The following SMCHD1 variants were observed in gnomAD, a reference collection of about 807,000 sequenced individuals.
The protein encoded by SMCHD1 is structural maintenance of chromosomes flexible hinge domain-containing protein 1.
A neutral mutation model predicts 254.7 loss-of-function variants in SMCHD1; 78 were observed. The observed-to-expected ratio is 0.31, with a 90% CI of 0.26 to 0.37. The LOEUF (loss-of-function observed/expected upper bound fraction) is 0.37, where lower values mean the gene tolerates loss of function less well. Among genes scored for constraint, SMCHD1 ranks in the 10% least tolerant of loss-of-function variants. The pLI is 1.00. For missense variants in SMCHD1, 1,840 were observed against 2,408.1 expected, an observed-to-expected ratio of 0.76 and a Z score of 4.94; for synonymous variants, 766 against 794.9, an observed-to-expected ratio of 0.96 and a Z score of 0.61.
Position 2,739,484 on chromosome 18 carries a change from A to G in SMCHD1, c.3478A>G (p.Thr1160Ala). The G allele has an allele frequency of 6.2e-7, 1 of 1,613,360 alleles. No homozygotes were observed. Among genetic ancestry groups the G allele is most frequent in the African/African-American group, 1.3e-5 (1 of 74,998 alleles). Residue 1160 changes from threonine to alanine, a missense_variant, in exon 27 of 48, where the codon ACA becomes GCA. Coordinates refer to ENST00000320876, the MANE Select transcript of SMCHD1 (RefSeq NM_015295.3). ...AAAATGTGAAATGAAAGGAGGAAAA[A>G]CAGTACAGATGGGCCAAGAGCTTCA... The part of the protein sequence containing the change: ...HLKCEMKGGK[T>A]VQMGQELQGE...
intron 17 of SMCHD1, among the ~76,000 whole-genome samples, chr18:2,708,915 T>TATATATAAATATAAC (rs1568199419): frequency 1.1e-5 from 1 of 90,454 alleles, no homozygotes; most frequent in Non-Finnish European, 2.2e-5. Context: ...TATAACATAT[T>TATATATAAATATAAC]AACATGAAAT....
chr18:2,696,777 A>C (rs2074294411), intron 8 of SMCHD1, among the ~76,000 whole-genome samples: 1 of 152,204 alleles, frequency 6.6e-6, no homozygotes, highest in Admixed American at 6.5e-5. Context: ...GTTGAAGCCC[A>C]CGGCTCCCTA....
chr18:2,783,124 TA>T (rs2076184470), intron 44 of SMCHD1, among the ~76,000 whole-genome samples: 1 of 152,240 alleles, frequency 6.6e-6, no homozygotes. Context: ...AATATATGTA[TA>T]CTATTTCATT....
At chr18:2,735,252 G>C (rs2143507340) in intron 25 of SMCHD1, among the ~76,000 whole-genome samples, 1 of 152,196 alleles carries the variant, frequency 6.6e-6, no homozygotes, top group South Asian at 2.1e-4. Context: ...ATCCCTTAGT[G>C]ATAAAAGCCA....
At chr18:2,703,917 A>G in intron 13 of SMCHD1, 31 bp downstream of exon 13, 1 of 1,460,684 alleles carries the variant, frequency 6.8e-7, no homozygotes, top group South Asian at 1.4e-5. Flanking sequence ...CTTTTTTCTT[A>G]TAATTTTTAA....
intron 1 of SMCHD1, among the ~76,000 whole-genome samples, chr18:2,658,953 CAT>C (rs201901230): frequency 4.6e-5 from 7 of 151,422 alleles, no homozygotes; most frequent in South Asian, 2.1e-4. Context: ...TATACACACA[CAT>C]ATATATATTT....
intron 30 of SMCHD1, among the ~76,000 whole-genome samples, chr18:2,749,081 T>G (rs1313220798): frequency 6.6e-6 from 1 of 152,184 alleles, no homozygotes; most frequent in Non-Finnish European, 1.5e-5. Context: ...CTCTAAGACC[T>G]GAAAAGACTT....
chr18:2,718,411 A>C lies in SMCHD1; in HGVS notation c.2435A>C (p.Lys812Thr). 4.3e-6 allele frequency: 7 copies of C among 1,609,412 alleles called. No individual in the cohort carries two copies. The highest frequency in any genetic ancestry group is 5.9e-6 in the Non-Finnish European group (7 of 1,178,118). The change falls in exon 19 of 48, where the codon AAA becomes ACA. Residue 812 changes from lysine to threonine, a missense_variant. Lys to Thr is a moderately conservative substitution (Grantham distance 78). Coordinates refer to ENST00000320876, the MANE Select transcript of SMCHD1 (RefSeq NM_015295.3). The surrounding 1 kb of genome is among the most constrained non-coding windows in gnomAD (Gnocchi z 4.6). ...DTYAGRPLPSKAIKFSVKEGK... is the reference protein window; with the variant it reads ...DTYAGRPLPSTAIKFSVKEGK... ...TATGCAGGAAGACCACTACCATCTAAAGCAATTAAGTTTTCTGTTAAAGGT... is the reference window on the plus strand; with the variant it reads ...TATGCAGGAAGACCACTACCATCTACAGCAATTAAGTTTTCTGTTAAAGGT...
chr18:2,773,430 C>A (rs1215040022), intron 41 of SMCHD1, among the ~76,000 whole-genome samples: 2 of 152,068 alleles, frequency 1.3e-5, no homozygotes, highest in African/African-American at 4.8e-5. Context: ...TTAAAGTCTC[C>A]TTTTTAAATA....
At chr18:2,705,419 T>G (rs2074491052) in intron 13 of SMCHD1, among the ~76,000 whole-genome samples, 1 of 152,196 alleles carries the variant, frequency 6.6e-6, no homozygotes, top group African/African-American at 2.4e-5. Flanking sequence ...TATGACTGAA[T>G]TTGAAGGAAT....
At position 2,763,936 on chromosome 18, in the gene SMCHD1, T is replaced by G. The variant is rs2075827251; in HGVS notation, c.4719+147T>G. ...AAGTCAGCTGAAATATTTTCTGTTT[T>G]TGCTATTACAAATTGAACCCAAGAT... On this transcript the variant is annotated intron_variant, in intron 37 of 47. Transcript: ENST00000320876. 5.5e-6 allele frequency: 4 copies of G among 728,524 alleles called. No homozygotes were observed. In the Admixed American group the frequency reaches 1.2e-4, roughly 22 times the overall value. 45.1% of individuals were successfully genotyped at this position (728,524 alleles called of 1,614,324 possible).
chr18:2,798,530 G>A (rs2076302429), intron 47 of SMCHD1, among the ~76,000 whole-genome samples: 1 of 152,172 alleles, frequency 6.6e-6, no homozygotes, highest in South Asian at 2.1e-4. Context: ...GAAAAGACAT[G>A]TGTATGAACT....
chr18:2,796,939 G>C (rs2076274635), intron 47 of SMCHD1: 1 of 152,810 alleles, frequency 6.5e-6, no homozygotes, highest in South Asian at 2.1e-4. Context: ...CTTTGAGCCA[G>C]AATTAATATT....
chr18:2,751,580 A>T (rs2075572596), intron 33 of SMCHD1, among the ~76,000 whole-genome samples, 187 bp downstream of exon 33: 2 of 152,186 alleles, frequency 1.3e-5, no homozygotes, highest in African/African-American at 2.4e-5. Context: ...GATGCTATTG[A>T]AAAAGAGTAG....
intron 5 of SMCHD1, among the ~76,000 whole-genome samples, chr18:2,678,285 T>C (rs9748385): frequency 7.0e-6 from 1 of 142,082 alleles, no homozygotes; most frequent in Non-Finnish European, 1.5e-5. Flanking sequence ...CTCTCTCTCT[T>C]TCTTTCTTTC....
chr18:2,669,114 G>T (rs2073523969), intron 3 of SMCHD1, among the ~76,000 whole-genome samples: 2 of 151,990 alleles, frequency 1.3e-5, no homozygotes, highest in Admixed American at 6.6e-5. Flanking sequence ...GAGAGTCTGA[G>T]GCAGGAAGAT....
In SMCHD1 at chr18:2,775,929, G is replaced by T; in HGVS notation, c.5366+5G>T. ...GACTCTTCCAGATTGGAAAAGGTTA[G>T]AAAAAAGTGAAAGTAATTTTTTTTC... On this transcript the variant is annotated splice_donor_5th_base_variant and intron_variant, in intron 42 of 47. Coordinates refer to ENST00000320876, the MANE Select transcript of SMCHD1 (RefSeq NM_015295.3). 1 of 1,556,276 alleles carries T rather than the reference G, an allele frequency of 6.4e-7. No individual in the cohort carries two copies. The highest frequency in any genetic ancestry group is 8.6e-7 in the Non-Finnish European group (1 of 1,161,592).
chr18:2,796,789 G>C lies in SMCHD1; in HGVS notation c.5993+268G>C, dbSNP rs2076271997. 13 of 348,466 alleles carry C rather than the reference G, an allele frequency of 3.7e-5. 1 individual carries two copies. In the South Asian group the frequency reaches 4.2e-4, roughly 11 times the overall value. The allele number at this position is 348,466 out of a possible 1,614,324, so 21.6% of individuals were successfully genotyped here. ...GTAGAGATGGGGTTTCACTGTGTTG[G>C]CCAGGCTAATCTCAAACTCCTGACC... On this transcript the variant is annotated intron_variant, in intron 47 of 47. Coordinates refer to ENST00000320876, the MANE Select transcript of SMCHD1 (RefSeq NM_015295.3).
Position 2,777,931 on chromosome 18 carries a change from G to A in SMCHD1, c.5476+16G>A, listed in dbSNP as rs1317143739. 1.4e-6 allele frequency: 2 copies of A among 1,423,576 alleles called. No individual in the cohort carries two copies. The highest frequency in any genetic ancestry group is 2.9e-5 in the African/African-American group (2 of 69,594). 88.2% of individuals were successfully genotyped at this position (1,423,576 alleles called of 1,614,324 possible). On this transcript the variant is annotated intron_variant, in intron 43 of 47. Transcript: ENST00000320876. ...TGTGAAACAGGTAAAAGACATTATG[G>A]TGACTTTACTTTTGTACAGATGTTA...
Sources: allele counts gnomAD v4.1 joint callset (sites outside exome capture counted in the v4.1 genomes callset), GRCh38; gene constraint gnomAD v4.1.1; non-coding constraint Gnocchi (gnomAD v3.1); transcripts MANE v1.5; gene names NCBI Gene and HGNC (gene_info 2026-07-23, HGNC 2026-07-21).